UNC5C: variants seen among roughly 807,000 people sequenced by gnomAD.
The protein encoded by UNC5C is netrin receptor UNC5C.
Under a neutral mutation model 99.8 loss-of-function variants are expected in UNC5C, and 47 were observed. The ratio of observed to expected loss-of-function variants is 0.47; its 90% CI spans 0.37 to 0.60. UNC5C has a LOEUF of 0.60. UNC5C is among the 20% of genes least tolerant of loss of function. The pLI, the probability that UNC5C is intolerant of heterozygous loss-of-function variation, is 0.00. For synonymous variants in UNC5C, 487 were observed against 452.2 expected, an observed-to-expected ratio of 1.08 and a Z score of -0.98; for missense variants, 1,062 against 1,165.9, an observed-to-expected ratio of 0.91 and a Z score of 1.30.
intron 1 of UNC5C, among the ~76,000 whole-genome samples, chr4:95,339,542 T>C (rs1199175836): frequency 6.6e-6 from 1 of 152,098 alleles, no homozygotes; most frequent in African/African-American, 2.4e-5. Flanking sequence ...GATTTTTTTT[T>C]CTTCAAGGAC....
intron 14 of UNC5C, among the ~76,000 whole-genome samples, chr4:95,176,673 C>T (rs1439324594): frequency 6.6e-6 from 1 of 152,232 alleles, no homozygotes; most frequent in Admixed American, 6.5e-5. Flanking sequence ...TTTAAGTCTG[C>T]AGAGGTTACT....
intron 4 of UNC5C, among the ~76,000 whole-genome samples, chr4:95,258,044 C>A (rs1740072718): frequency 1.3e-5 from 2 of 152,218 alleles, no homozygotes; most frequent in East Asian, 1.9e-4. Flanking sequence ...AACATATAAC[C>A]TTTTCATGCA....
intron 9 of UNC5C, among the ~76,000 whole-genome samples, chr4:95,216,600 TA>T (rs148891275): frequency 2.5e-4 from 36 of 142,258 alleles, no homozygotes; most frequent in East Asian, 1.6e-3. Flanking sequence ...AACTTCAACA[TA>T]AAAAAAAAAA....
At chr4:95,281,309 A>G (rs1206902460) in intron 3 of UNC5C, among the ~76,000 whole-genome samples, 2 of 152,226 alleles carry the variant, frequency 1.3e-5, no homozygotes, top group Non-Finnish European at 2.9e-5. Flanking sequence ...TAGACATTTT[A>G]TTAGGTACTT....
rs1735715792 is a variant in UNC5C, at chr4:95,162,601, C to A, written c.*6633G>T. The A allele has an allele frequency of 6.6e-6, 1 of 152,030 alleles. No individual in the cohort carries two copies. The highest frequency in any genetic ancestry group is 2.4e-5 in the African/African-American group (1 of 41,366). 9.4% of individuals were successfully genotyped at this position (152,030 alleles called of 1,614,324 possible). ...GAATAAATGCAGGCAATTTACAAAC[C>A]AAGGGGACTGCAGGGAAAATCAGGA... On this transcript the variant is annotated 3_prime_UTR_variant, in exon 16 of 16. Transcript: ENST00000453304.
chr4:95,164,047 C>G lies in UNC5C; in HGVS notation c.*5187G>C, dbSNP rs2149340410. Reference sequence around the variant, plus strand: ...ACCACAGATGAATACAATGAGGTGACAGGAAAACCTAGGAACCATGACTTA... The same window carrying G: ...ACCACAGATGAATACAATGAGGTGAGAGGAAAACCTAGGAACCATGACTTA... On this transcript the variant is annotated 3_prime_UTR_variant, in exon 16 of 16. Transcript: ENST00000453304. 6.6e-6 allele frequency: 1 copy of G among 152,274 alleles called. No homozygotes were observed. Among genetic ancestry groups the G allele is most frequent in the Non-Finnish European group, 1.5e-5 (1 of 68,018 alleles). The allele number at this position is 152,274 out of a possible 1,614,324, so 9.4% of individuals were successfully genotyped here.
At chr4:95,346,213 C>A (rs1242942279) in intron 1 of UNC5C, among the ~76,000 whole-genome samples, 2 of 151,844 alleles carry the variant, frequency 1.3e-5, no homozygotes, top group African/African-American at 4.8e-5. Flanking sequence ...ACACATACAT[C>A]CTACCAAGAT....
chr4:95,206,612 C>A lies in UNC5C; in HGVS notation c.1902+16G>T, dbSNP rs751115264. 7.4e-6 allele frequency: 12 copies of A among 1,613,786 alleles called. No homozygotes were observed. In the East Asian group the frequency reaches 1.6e-4, roughly 21 times the overall value. The stretch of plus-strand genomic sequence containing the variant: ...GATTATTCTTGCATAGCATCTTTAT[C>A]CCGACAGCAGCTCACCTCCCACTGT... On this transcript the variant is annotated intron_variant, in intron 11 of 15. Transcript: ENST00000453304.
intron 1 of UNC5C, among the ~76,000 whole-genome samples, chr4:95,474,748 A>G (rs1206055003): frequency 6.6e-6 from 1 of 152,146 alleles, no homozygotes; most frequent in Non-Finnish European, 1.5e-5. Flanking sequence ...ATTATAATGT[A>G]GAGCTCTTTG....
chr4:95,213,520 C>T (rs1738146719), intron 10 of UNC5C, among the ~76,000 whole-genome samples: 1 of 152,324 alleles, frequency 6.6e-6, no homozygotes, highest in Middle Eastern at 3.4e-3. Context: ...CAGCTGCCAG[C>T]CTGCACTTTC....
At chr4:95,502,732 G>GT (rs923906943) in intron 1 of UNC5C, among the ~76,000 whole-genome samples, 1 of 152,126 alleles carries the variant, frequency 6.6e-6, no homozygotes, top group Non-Finnish European at 1.5e-5. Context: ...AAAATAGACA[G>GT]TTTTATTGTA....
chr4:95,409,144 T>G (rs1227315667), intron 1 of UNC5C, among the ~76,000 whole-genome samples: 1 of 152,262 alleles, frequency 6.6e-6, no homozygotes. Context: ...AGAACTTTCC[T>G]ATCTATCAGA....
At chr4:95,529,713 C>T (rs74543693) in intron 1 of UNC5C, among the ~76,000 whole-genome samples, 10,310 of 151,624 alleles carry the variant, frequency 0.068, 472 homozygotes, top group Middle Eastern at 0.11. Context: ...AGTAACAGAG[C>T]GAGACCCTGT....
chr4:95,304,891 A>G (rs1742007998), intron 2 of UNC5C, among the ~76,000 whole-genome samples: 2 of 152,220 alleles, frequency 1.3e-5, no homozygotes. Context: ...CAGGAAGCCT[A>G]ATTAAATGCT....
chr4:95,321,721 A>G (rs1020211416), intron 2 of UNC5C, among the ~76,000 whole-genome samples: 6 of 152,242 alleles, frequency 3.9e-5, no homozygotes, highest in African/African-American at 1.4e-4. Flanking sequence ...TTGCACAGAT[A>G]TGGCCTAGAA....
chr4:95,510,136 T>C (rs72876476), intron 1 of UNC5C, among the ~76,000 whole-genome samples: 1 of 151,928 alleles, frequency 6.6e-6, no homozygotes, highest in Non-Finnish European at 1.5e-5. Context: ...AGTCCTTTTA[T>C]TTCTAGTTTT....
intron 4 of UNC5C, among the ~76,000 whole-genome samples, chr4:95,274,463 G>T (rs1022581523): frequency 6.6e-6 from 1 of 152,122 alleles, no homozygotes. Context: ...ACAGACGAAG[G>T]AGCAGGCAAG....
intron 1 of UNC5C, among the ~76,000 whole-genome samples, chr4:95,350,555 T>C (rs185304003): frequency 7.9e-5 from 12 of 152,164 alleles, no homozygotes; most frequent in Admixed American, 7.9e-4. Flanking sequence ...TGTACTAGTA[T>C]TGTGAACCTC....
intron 12 of UNC5C, 37 bp downstream of exon 12, chr4:95,202,694 G>A (rs759766289): frequency 1.3e-5 from 21 of 1,594,252 alleles, no homozygotes; most frequent in Non-Finnish European, 1.6e-5. Flanking sequence ...GCTTCCAGGT[G>A]GAGGTGAAGA....
Sources: gnomAD v4.1 joint callset for allele counts (sites outside exome capture counted in the v4.1 genomes callset) on GRCh38, gnomAD v4.1.1 for gene constraint, MANE v1.5 for transcripts, NCBI Gene and HGNC (gene_info 2026-07-23, HGNC 2026-07-21) for gene names.